CHRM3: variants seen among roughly 807,000 people sequenced by gnomAD.
CHRM3 encodes the protein muscarinic acetylcholine receptor M3.
CHRM3 carries 11 observed loss-of-function variants against 41.8 expected under a neutral mutation model. The ratio of observed to expected loss-of-function variants is 0.26; its 90% confidence interval spans 0.17 to 0.44. The LOEUF (loss-of-function observed/expected upper bound fraction) is 0.44, where lower values mean the gene tolerates loss of function less well. Ranked by LOEUF, CHRM3 falls within the 20% of genes least tolerant of loss-of-function variation. The probability of loss-of-function intolerance (pLI) is 1.00; values close to 1 mark genes in which losing one functional copy is unlikely to be tolerated. For synonymous variants in CHRM3, 297 were observed against 301.4 expected (o/e 0.99, Z 0.15); for missense variants, 571 against 745.4 (o/e 0.77, Z 2.72).
chr1:239,836,453 T>C (rs1360231831), intron 6 of CHRM3, among the ~76,000 whole-genome samples: 1 of 152,210 alleles, frequency 6.6e-6, no homozygotes, highest in East Asian at 1.9e-4. Context: ...TCTGTGATTA[T>C]GTTATTTCAA....
intron 1 of CHRM3, among the ~76,000 whole-genome samples, chr1:239,389,884 G>C (rs972571190): frequency 6.6e-6 from 1 of 152,164 alleles, no homozygotes; most frequent in African/African-American, 2.4e-5. Context: ...GTGCCGGGAA[G>C]TTTATACTGG....
chr1:239,867,297 G>A (rs1676194831), intron 6 of CHRM3, among the ~76,000 whole-genome samples: 2 of 152,192 alleles, frequency 1.3e-5, no homozygotes, highest in Admixed American at 6.5e-5. Flanking sequence ...GTGTTCTGTG[G>A]GTATATGATA....
intron 2 of CHRM3, among the ~76,000 whole-genome samples, chr1:239,500,480 G>A (rs541046058): frequency 6.6e-6 from 1 of 151,424 alleles, no homozygotes; most frequent in East Asian, 2.0e-4. Flanking sequence ...GTGGGGGGAT[G>A]GGGGAGGGAT....
intron 5 of CHRM3, among the ~76,000 whole-genome samples, chr1:239,737,807 C>T (rs11583349): frequency 0.4 from 61,180 of 151,886 alleles, 12,640 homozygotes; most frequent in Middle Eastern, 0.51. Flanking sequence ...TTATGAATTA[C>T]AAAGTTATCT....
intron 6 of CHRM3, among the ~76,000 whole-genome samples, chr1:239,866,485 A>C (rs1255764721): frequency 6.6e-6 from 1 of 152,116 alleles, no homozygotes; most frequent in Non-Finnish European, 1.5e-5. Flanking sequence ...TGTAGAGCCC[A>C]TGCTCTTAAA....
chr1:239,885,406 G>T (rs1677983154), intron 6 of CHRM3, among the ~76,000 whole-genome samples: 1 of 152,060 alleles, frequency 6.6e-6, no homozygotes, highest in Non-Finnish European at 1.5e-5. Flanking sequence ...TTGATGCTGG[G>T]GTTCCAGGGA....
intron 6 of CHRM3, among the ~76,000 whole-genome samples, chr1:239,881,351 A>G (rs1677619006): frequency 6.6e-6 from 1 of 150,482 alleles, no homozygotes; most frequent in Admixed American, 6.6e-5. Context: ...CTGTTGCGTG[A>G]GCTGCCACCA....
Position 239,386,805 on chromosome 1 carries a change from AG to A in CHRM3, c.-940del, listed in dbSNP as rs765649379. 1 of 152,678 alleles carries A rather than the reference AG, an allele frequency of 6.5e-6. No homozygotes were observed. Among genetic ancestry groups the A allele is most frequent in the Non-Finnish European group, 1.5e-5 (1 of 68,454 alleles). 9.5% of individuals were successfully genotyped at this position (152,678 alleles called of 1,614,324 possible). A position where few individuals can be genotyped will look rare whatever the true frequency, so the allele number is the denominator to read the frequency against. On this transcript the variant is annotated 5_prime_UTR_variant, in exon 1 of 7. Coordinates refer to ENST00000676153, the MANE Select transcript of CHRM3 (RefSeq NM_001375978.1). ...AAGTGAGGCGGGAGACAGAGGGAAA[AG>A]GGCGTGAACAGAAAGGGCCGGAGCG...
chr1:239,419,557 C>T (rs1405943605), intron 1 of CHRM3, among the ~76,000 whole-genome samples: 1 of 152,044 alleles, frequency 6.6e-6, no homozygotes, highest in African/African-American at 2.4e-5. Flanking sequence ...ATATAAGGTG[C>T]TTTAGTTCAT....
intron 3 of CHRM3, among the ~76,000 whole-genome samples, chr1:239,562,231 A>C (rs1465219953): frequency 6.6e-6 from 1 of 152,212 alleles, no homozygotes; most frequent in Non-Finnish European, 1.5e-5. Flanking sequence ...GAAGGGAGGC[A>C]TGTGTTAGAG....
At chr1:239,691,881 G>A (rs531276251) in intron 5 of CHRM3, among the ~76,000 whole-genome samples, 1 of 152,130 alleles carries the variant, frequency 6.6e-6, no homozygotes, top group Non-Finnish European at 1.5e-5. Flanking sequence ...AAGACTAAAT[G>A]TCTGGAAAGA....
At chr1:239,604,774 T>C (rs1304601709) in intron 3 of CHRM3, among the ~76,000 whole-genome samples, 1 of 152,216 alleles carries the variant, frequency 6.6e-6, no homozygotes, top group Non-Finnish European at 1.5e-5. Context: ...CCATTGCAGA[T>C]AGTTTTCTTC....
intron 5 of CHRM3, among the ~76,000 whole-genome samples, chr1:239,794,519 A>G (rs960682480): frequency 6.6e-6 from 1 of 152,136 alleles, no homozygotes; most frequent in African/African-American, 2.4e-5. Flanking sequence ...GAGCAAGATG[A>G]ATGGTAACCA....
chr1:239,388,899 G>T (rs1658776029), intron 1 of CHRM3, among the ~76,000 whole-genome samples: 1 of 152,024 alleles, frequency 6.6e-6, no homozygotes, highest in Non-Finnish European at 1.5e-5. Flanking sequence ...AGCTATTGTT[G>T]GGCTAGAAAG....
chr1:239,426,712 T>C (rs1662421441), intron 1 of CHRM3, among the ~76,000 whole-genome samples: 1 of 152,164 alleles, frequency 6.6e-6, no homozygotes, highest in African/African-American at 2.4e-5. Context: ...TATCAGGCAA[T>C]AGTTTCTTTT....
intron 3 of CHRM3, among the ~76,000 whole-genome samples, chr1:239,604,292 G>GT (rs539867320): frequency 2.3e-4 from 27 of 119,606 alleles, no homozygotes; most frequent in East Asian, 1.5e-3. Flanking sequence ...GGGAAACTAG[G>GT]TTTTTTTTTT....
intron 6 of CHRM3, among the ~76,000 whole-genome samples, chr1:239,901,035 C>G (rs533666440): frequency 4.7e-4 from 72 of 152,290 alleles, no homozygotes; most frequent in African/African-American, 1.7e-3. Context: ...TTAGGCAAGA[C>G]TAAGGAAGAA....
At chr1:239,563,316 G>A (rs1899619) in intron 3 of CHRM3, among the ~76,000 whole-genome samples, 1 of 151,986 alleles carries the variant, frequency 6.6e-6, no homozygotes, top group Admixed American at 6.6e-5. Flanking sequence ...CCCCAAGTCA[G>A]GAAGACAAGG....
intron 6 of CHRM3, among the ~76,000 whole-genome samples, chr1:239,894,484 G>A (rs1472334345): frequency 6.6e-6 from 1 of 151,700 alleles, no homozygotes; most frequent in Non-Finnish European, 1.5e-5. Flanking sequence ...TCAGGTTGGA[G>A]TGCAGTAGCA....
Sources: allele counts gnomAD v4.1 joint callset (sites outside exome capture counted in the v4.1 genomes callset), GRCh38; gene constraint gnomAD v4.1.1; transcripts MANE v1.5; gene names NCBI Gene and HGNC (gene_info 2026-07-23, HGNC 2026-07-21).